NR5A1: variants seen among roughly 807,000 people sequenced by gnomAD.
NR5A1 encodes the protein nuclear receptor subfamily 5 group A member 1.
A neutral mutation model predicts 42.7 loss-of-function variants in NR5A1; 6 were observed. The ratio of observed to expected loss-of-function variants is 0.14; its 90% CI spans 0.08 to 0.28. The LOEUF is 0.28. Ranked by LOEUF, NR5A1 falls within the 10% of genes least tolerant of loss-of-function variation. NR5A1 has a pLI of 1.00. For missense variants in NR5A1, 442 were observed against 626.4 expected (o/e 0.71, Z 3.14); for synonymous variants, 274 against 277.5 (o/e 0.99, Z 0.12).
chr9:124,486,255 C>G (rs1010510774), intron 6 of NR5A1, among the ~76,000 whole-genome samples: 2 of 152,180 alleles, frequency 1.3e-5, no homozygotes, highest in African/African-American at 2.4e-5. Context: ...CAGTCGCTAA[C>G]GGAGCCTCAG....
chr9:124,500,823 C>T lies in NR5A1; in HGVS notation c.245-108G>A. On this transcript the variant is annotated intron_variant, in intron 3 of 6. Coordinates refer to ENST00000373588, the MANE Select transcript of NR5A1 (RefSeq NM_004959.5). The surrounding 1 kb of genome is among the most constrained non-coding windows in gnomAD (Gnocchi z 6.9). ...TCTGACCGCTCTCTCCCCTGCTCAA[C>T]ACCCTTTCATGGCTCCCACTGACCA... The T allele has an allele frequency of 6.4e-7, 1 of 1,553,472 alleles. No individual in the cohort carries two copies.
rs1460006692 is a variant in NR5A1, at chr9:124,496,449, A to ATCC, written c.871-3303_871-3301dup. 6.6e-6 allele frequency among the ~76,000 whole-genome samples: 1 copy of ATCC among 151,914 alleles called. No individual in the cohort carries two copies. Among genetic ancestry groups the ATCC allele is most frequent in the Non-Finnish European group, 1.5e-5 (1 of 67,970 alleles). ...GGCCTGTCTGCTGGGCACATCAGCC[A>ATCC]TCCACCCCTCCCACCGGACCGCCAC... On this transcript the variant is annotated intron_variant, in intron 4 of 6. Transcript: ENST00000373588. This position sits in a 1 kb window ranked among gnomAD's most constrained non-coding sequence, Gnocchi z 5.0.
chr9:124,491,987 G>A (rs556819732), intron 5 of NR5A1, among the ~76,000 whole-genome samples: 4 of 152,152 alleles, frequency 2.6e-5, no homozygotes, highest in South Asian at 4.2e-4. Flanking sequence ...AGGCACCTGC[G>A]CTCACAGGGA....
intron 6 of NR5A1, among the ~76,000 whole-genome samples, chr9:124,487,794 G>C (rs974246237): frequency 6.6e-6 from 1 of 152,234 alleles, no homozygotes; most frequent in African/African-American, 2.4e-5. Context: ...CTGGTGGTCT[G>C]GGTGGGATCA....
chr9:124,502,971 G>C, intron 3 of NR5A1, 108 bp downstream of exon 3: 2 of 1,395,318 alleles, frequency 1.4e-6, no homozygotes, highest in Non-Finnish European at 1.9e-6. Flanking sequence ...TCGCACGAGG[G>C]GCCTTCGCGA....
At position 124,496,856 on chromosome 9, in the gene NR5A1, T is replaced by C. The variant is rs1423984173; in HGVS notation, c.870+3234A>G. 6.6e-6 allele frequency among the ~76,000 whole-genome samples: 1 copy of C among 152,190 alleles called. No individual in the cohort carries two copies. Among genetic ancestry groups the C allele is most frequent in the Non-Finnish European group, 1.5e-5 (1 of 68,022 alleles). On this transcript the variant is annotated intron_variant, in intron 4 of 6. Transcript: ENST00000373588. This position sits in a 1 kb window ranked among gnomAD's most constrained non-coding sequence, Gnocchi z 5.0. Reference sequence around the variant, plus strand: ...CCCACCGTCCCCCCGGGTCCTCCCTTGCATCCTCCCAGCCTGTCCTTCGCA... The same window carrying C: ...CCCACCGTCCCCCCGGGTCCTCCCTCGCATCCTCCCAGCCTGTCCTTCGCA...
At chr9:124,483,231 G>A (rs1380756846) in intron 6 of NR5A1, among the ~76,000 whole-genome samples, 1 of 152,200 alleles carries the variant, frequency 6.6e-6, no homozygotes, top group Non-Finnish European at 1.5e-5. Flanking sequence ...ATACCCACAT[G>A]CCTGTGTTTT....
chr9:124,489,601 G>A (rs1371046924), intron 6 of NR5A1, among the ~76,000 whole-genome samples: 3 of 152,208 alleles, frequency 2.0e-5, no homozygotes, highest in African/African-American at 7.2e-5. Flanking sequence ...GTGCCAGTCT[G>A]CTGAGCCTGG....
chr9:124,501,020 T>A lies in NR5A1; in HGVS notation c.245-305A>T. The A allele has an allele frequency of 1.5e-6, 1 of 668,220 alleles. No individual in the cohort carries two copies. The highest frequency in any genetic ancestry group is 1.5e-5 in the South Asian group (1 of 66,298). The allele number at this position is 668,220 out of a possible 1,614,324, so 41.4% of individuals were successfully genotyped here. Reference sequence around the variant, plus strand: ...TCATTTTCCTTCTGACTCAAACTTTTTTTTTTCTCTTGTGCTTGCTGAACA... The same window carrying A: ...TCATTTTCCTTCTGACTCAAACTTTATTTTTTCTCTTGTGCTTGCTGAACA... On this transcript the variant is annotated intron_variant, in intron 3 of 6. Transcript: ENST00000373588. The surrounding 1 kb of genome is among the most constrained non-coding windows in gnomAD (Gnocchi z 4.1).
chr9:124,489,156 G>T (rs904207403), intron 6 of NR5A1, among the ~76,000 whole-genome samples: 1 of 152,256 alleles, frequency 6.6e-6, no homozygotes, highest in African/African-American at 2.4e-5. Context: ...GGGGCTGGGG[G>T]CCAAGACAAT....
At chr9:124,490,744 G>A (rs980833622) in intron 6 of NR5A1, among the ~76,000 whole-genome samples, 1 of 152,150 alleles carries the variant, frequency 6.6e-6, no homozygotes, top group Non-Finnish European at 1.5e-5. Flanking sequence ...ACGTGTGCAT[G>A]AGCAAAGGGG....
chr9:124,491,234 G>A lies in NR5A1; in HGVS notation c.991-6C>T. 6.3e-7 allele frequency: 1 copy of A among 1,597,968 alleles called. No individual in the cohort carries two copies. Reference sequence around the variant, plus strand: ...GCCACTGTGGTCAGCTCCACCTGGGGGCAGAGGGCACGGGGCGGGGGACAG... The same window carrying A: ...GCCACTGTGGTCAGCTCCACCTGGGAGCAGAGGGCACGGGGCGGGGGACAG... On this transcript the variant is annotated splice_region_variant and splice_polypyrimidine_tract_variant and intron_variant, in intron 5 of 6. Transcript: ENST00000373588.
chr9:124,505,571 G>A (rs1832544355), intron 1 of NR5A1, among the ~76,000 whole-genome samples: 1 of 152,234 alleles, frequency 6.6e-6, no homozygotes, highest in Non-Finnish European at 1.5e-5. Context: ...CCTGGCGGAA[G>A]CGCTCAGTGG....
intron 6 of NR5A1, among the ~76,000 whole-genome samples, chr9:124,483,632 G>A (rs938963626): frequency 1.3e-5 from 2 of 152,158 alleles, no homozygotes; most frequent in African/African-American, 2.4e-5. Context: ...CCCCTGGCAC[G>A]ATCAAAGCCA....
chr9:124,485,730 A>G (rs1052467600), intron 6 of NR5A1, among the ~76,000 whole-genome samples: 2 of 152,266 alleles, frequency 1.3e-5, no homozygotes, highest in South Asian at 2.1e-4. Flanking sequence ...GACCTGCCCA[A>G]CTGTATGGAA....
intron 1 of NR5A1, among the ~76,000 whole-genome samples, chr9:124,505,694 G>C (rs972183405): frequency 3.3e-5 from 5 of 152,222 alleles, no homozygotes; most frequent in African/African-American, 1.2e-4. Context: ...GGCCTGGGGG[G>C]ACCCGAAGCC....
chr9:124,484,238 T>C (rs1353305391), intron 6 of NR5A1, among the ~76,000 whole-genome samples: 1 of 152,200 alleles, frequency 6.6e-6, no homozygotes, highest in Admixed American at 6.5e-5. Flanking sequence ...CAAAAAATCC[T>C]AAGCCAAAGC....
chr9:124,485,624 C>A (rs1832196281), intron 6 of NR5A1, among the ~76,000 whole-genome samples: 1 of 152,214 alleles, frequency 6.6e-6, no homozygotes, highest in Admixed American at 6.5e-5. Flanking sequence ...CTGAAGGCAC[C>A]TTTATGCCAA....
At chr9:124,485,713 A>G (rs1230804834) in intron 6 of NR5A1, among the ~76,000 whole-genome samples, 1 of 152,222 alleles carries the variant, frequency 6.6e-6, no homozygotes, top group Non-Finnish European at 1.5e-5. Flanking sequence ...GCTCTTGTGC[A>G]GTGAATGACC....
Sources: allele counts gnomAD v4.1 joint callset (sites outside exome capture counted in the v4.1 genomes callset), GRCh38; gene constraint gnomAD v4.1.1; non-coding constraint Gnocchi (gnomAD v3.1); transcripts MANE v1.5; gene names NCBI Gene and HGNC (gene_info 2026-07-23, HGNC 2026-07-21).